Variants in MYOM1 observed in about 807,000 individuals in gnomAD.
MYOM1 encodes the protein myomesin 1, also known as myomesin-1.
A neutral mutation model predicts 205.3 loss-of-function variants in MYOM1; 164 were observed. That is an observed-to-expected ratio of 0.80 (90% confidence interval 0.70 to 0.91). MYOM1 has a LOEUF of 0.91. Ranked by LOEUF, MYOM1 falls within the 40% of genes least tolerant of loss-of-function variation. The probability of loss-of-function intolerance (pLI) is 0.00; values close to 1 mark genes in which losing one functional copy is unlikely to be tolerated. For missense variants in MYOM1, 2,011 were observed against 2,127.3 expected, an observed-to-expected ratio of 0.95 and a Z score of 1.08; for synonymous variants, 772 against 789.4, an observed-to-expected ratio of 0.98 and a Z score of 0.37.
chr18:3,067,617 C>T, intron 37 of MYOM1, 62 bp from the exon 38 acceptor site: 1 of 1,543,904 alleles, frequency 6.5e-7, no homozygotes, highest in Non-Finnish European at 8.8e-7. Context: ...ACACTGTCAA[C>T]AATCTTGCCG....
At chr18:3,217,610 G>A (rs1328591982) in intron 1 of MYOM1, among the ~76,000 whole-genome samples, 2 of 152,084 alleles carry the variant, frequency 1.3e-5, no homozygotes, top group Non-Finnish European at 2.9e-5. Context: ...AGGTGGTATC[G>A]AAAGCCAAGA....
intron 10 of MYOM1, among the ~76,000 whole-genome samples, chr18:3,163,844 G>A (rs1232609840): frequency 6.7e-6 from 1 of 148,738 alleles, no homozygotes; most frequent in Non-Finnish European, 1.5e-5. Context: ...GTTTTGTTTT[G>A]TTTTGTTTCA....
At chr18:3,107,401 G>A (rs1011969923) in intron 22 of MYOM1, among the ~76,000 whole-genome samples, 2 of 152,220 alleles carry the variant, frequency 1.3e-5, no homozygotes, top group Non-Finnish European at 2.9e-5. Context: ...ACAGGCGTGA[G>A]CCACCGCACC....
chr18:3,161,413 T>C (rs1356723082), intron 10 of MYOM1, among the ~76,000 whole-genome samples: 1 of 152,218 alleles, frequency 6.6e-6, no homozygotes, highest in East Asian at 1.9e-4. Context: ...CATGGCTGGC[T>C]AACAAGAGAC....
At chr18:3,167,370 T>C (rs551557274) in intron 9 of MYOM1, among the ~76,000 whole-genome samples, 2 of 152,266 alleles carry the variant, frequency 1.3e-5, no homozygotes, top group East Asian at 1.9e-4. Context: ...TTATTGTTAT[T>C]TTATTTTATG....
chr18:3,098,234 T>A (rs969646957), intron 25 of MYOM1, among the ~76,000 whole-genome samples: 5 of 152,180 alleles, frequency 3.3e-5, no homozygotes, highest in Admixed American at 2.0e-4. Context: ...GATTCATCAA[T>A]ACCATATTTA....
intron 2 of MYOM1, among the ~76,000 whole-genome samples, chr18:3,208,931 A>G (rs904586195): frequency 6.6e-6 from 1 of 152,214 alleles, no homozygotes; most frequent in African/African-American, 2.4e-5. Context: ...TGCCCAGACT[A>G]TCAGCAGCTT....
chr18:3,245,130 C>A, the MYOM1 span, among the ~76,000 whole-genome samples: 1 of 152,078 alleles, frequency 6.6e-6, no homozygotes, highest in African/African-American at 2.4e-5. Flanking sequence ...TTGTTTAAGC[C>A]GCCCAGTGTG....
intron 3 of MYOM1, among the ~76,000 whole-genome samples, chr18:3,191,988 G>A (rs541238834): frequency 6.6e-6 from 1 of 152,286 alleles, no homozygotes; most frequent in South Asian, 2.1e-4. Flanking sequence ...GAGCCACCGT[G>A]CCTGGCCTCA....
At position 3,135,506 on chromosome 18, in the gene MYOM1, G is replaced by A; in HGVS notation, c.2209+41C>T. ...TATACATATACTAGATCCTTGCTTTGAAATTTTCTCTTGAAGTAAAAGAAG... is the reference window on the plus strand; with the variant it reads ...TATACATATACTAGATCCTTGCTTTAAAATTTTCTCTTGAAGTAAAAGAAG... On this transcript the variant is annotated intron_variant, in intron 15 of 37. Coordinates refer to ENST00000356443, the MANE Select transcript of MYOM1 (RefSeq NM_003803.4). This position sits in a 1 kb window ranked among gnomAD's most constrained non-coding sequence, Gnocchi z 4.1. 6.3e-7 allele frequency: 1 copy of A among 1,581,220 alleles called. No individual in the cohort carries two copies. The highest frequency in any genetic ancestry group is 8.6e-7 in the Non-Finnish European group (1 of 1,160,114).
intron 19 of MYOM1, among the ~76,000 whole-genome samples, chr18:3,120,213 T>A (rs1301780500): frequency 6.6e-6 from 1 of 152,162 alleles, no homozygotes; most frequent in Non-Finnish European, 1.5e-5. Context: ...GATCAAGTCC[T>A]GTGATTGTGT....
At chr18:3,100,235 TA>T in intron 24 of MYOM1, 32 bp from the exon 25 acceptor site, 1 of 1,613,802 alleles carries the variant, frequency 6.2e-7, no homozygotes. Context: ...AGTTAAACCT[TA>T]AACTACTAAA....
rs189310554 is a variant in MYOM1 at position 3,128,327 on chromosome 18, G to T, written c.2794+905C>A. Among the ~76,000 whole-genome samples, 109 of 152,278 alleles carry T rather than the reference G, an allele frequency of 7.2e-4. 1 individual carries two copies. In the East Asian group the frequency reaches 0.015, roughly 21 times the overall value. Reference sequence around the variant, plus strand: ...AACAGAGGAGGTTATAGAAGTTGGGGTGGGGTTAGAAAAAAGAACTGGATG... The same window carrying T: ...AACAGAGGAGGTTATAGAAGTTGGGTTGGGGTTAGAAAAAAGAACTGGATG... On this transcript the variant is annotated intron_variant, in intron 18 of 37. Coordinates refer to ENST00000356443, the MANE Select transcript of MYOM1 (RefSeq NM_003803.4).
the MYOM1 span, among the ~76,000 whole-genome samples, chr18:3,238,863 A>G: frequency 6.6e-6 from 1 of 151,906 alleles, no homozygotes; most frequent in Non-Finnish European, 1.5e-5. Context: ...GGCCAGCAAC[A>G]TTGTATCTCT....
At position 3,179,479 on chromosome 18, in the gene MYOM1, C is replaced by T. The variant is rs549010309; in HGVS notation, c.930-3345G>A. On this transcript the variant is annotated intron_variant, in intron 5 of 37. Transcript: ENST00000356443. The surrounding 1 kb of genome is among the most constrained non-coding windows in gnomAD (Gnocchi z 4.4). ...TTGGATGATTTTAAATAAATGCACA[C>T]GAAGAAAGTAAGTTGACAGTCTCAG... Among the ~76,000 whole-genome samples, 9 of 152,202 alleles carry T rather than the reference C, an allele frequency of 5.9e-5. No homozygotes were observed. In the South Asian group the frequency reaches 6.2e-4, roughly 11 times the overall value.
intron 19 of MYOM1, among the ~76,000 whole-genome samples, chr18:3,125,337 A>C (rs887641317): frequency 3.3e-5 from 5 of 152,222 alleles, no homozygotes; most frequent in Admixed American, 2.6e-4. Flanking sequence ...AAAAATACCC[A>C]AATAGCAATA....
intron 13 of MYOM1, among the ~76,000 whole-genome samples, 175 bp from the exon 14 acceptor site, chr18:3,142,238 T>C (rs1345631179): frequency 6.6e-6 from 1 of 152,084 alleles, no homozygotes; most frequent in East Asian, 1.9e-4. Context: ...ATTCTTCAAA[T>C]GCCATTGAGC....
At chr18:3,156,895 C>G (rs1425546130) in intron 10 of MYOM1, among the ~76,000 whole-genome samples, 2 of 152,164 alleles carry the variant, frequency 1.3e-5, no homozygotes, top group Non-Finnish European at 2.9e-5. Flanking sequence ...AGGCGTGAGC[C>G]ACCGCGCCCG....
chr18:3,080,338 G>A (rs1050261008), intron 33 of MYOM1, among the ~76,000 whole-genome samples: 5 of 151,610 alleles, frequency 3.3e-5, no homozygotes, highest in Admixed American at 1.3e-4. Context: ...CATGTCTTAC[G>A]TCTGTTGTAA....
Sources: allele counts gnomAD v4.1 joint callset (sites outside exome capture counted in the v4.1 genomes callset), GRCh38; gene constraint gnomAD v4.1.1; non-coding constraint Gnocchi (gnomAD v3.1); transcripts MANE v1.5; gene names NCBI Gene and HGNC (gene_info 2026-07-23, HGNC 2026-07-21).